DNAH3: variants seen among roughly 807,000 people sequenced by gnomAD.
DNAH3 encodes dynein axonemal heavy chain 3.
A neutral mutation model predicts 432.5 loss-of-function variants in DNAH3; 332 were observed. The ratio of observed to expected loss-of-function variants is 0.77; its 90% CI spans 0.70 to 0.84. The LOEUF is 0.84. Among genes scored for constraint, DNAH3 ranks in the 40% least tolerant of loss-of-function variants. The probability of loss-of-function intolerance (pLI) is 0.00; values close to 1 mark genes in which losing one functional copy is unlikely to be tolerated. For missense variants in DNAH3, 4,861 were observed against 5,114.0 expected, an observed-to-expected ratio of 0.95 and a Z score of 1.51; for synonymous variants, 1,956 against 1,900.2, an observed-to-expected ratio of 1.03 and a Z score of -0.76.
chr16:21,131,074 T>C (rs1207998961), intron 7 of DNAH3, among the ~76,000 whole-genome samples: 3 of 152,184 alleles, frequency 2.0e-5, no homozygotes, highest in Non-Finnish European at 4.4e-5. Context: ...CGGTGGCTCA[T>C]GCCTGTAATC....
intron 52 of DNAH3, among the ~76,000 whole-genome samples, chr16:20,966,740 C>G (rs2085081571): frequency 6.6e-6 from 1 of 152,162 alleles, no homozygotes; most frequent in Admixed American, 6.5e-5. Context: ...GAATATCCTT[C>G]CCTAGTCTGG....
rs1011741367 is a variant in DNAH3, at chr16:20,981,316, C to T, written c.7859+1405G>A. Reference sequence around the variant, plus strand: ...ACCCACTGAATTCTACCCACAAGCACGTGGACCCAGGTTAAGGGTCTTCTG... The same window carrying T: ...ACCCACTGAATTCTACCCACAAGCATGTGGACCCAGGTTAAGGGTCTTCTG... On this transcript the variant is annotated intron_variant, in intron 49 of 61. Transcript: ENST00000261383. Among the ~76,000 whole-genome samples the T allele has an allele frequency of 3.3e-5, 5 of 152,150 alleles. 1 individual carries two copies. Among genetic ancestry groups the T allele is most frequent in the East Asian group, 3.9e-4 (2 of 5,192 alleles).
intron 36 of DNAH3, among the ~76,000 whole-genome samples, chr16:21,033,384 C>T (rs1394746751): frequency 1.3e-5 from 2 of 152,198 alleles, no homozygotes; most frequent in Non-Finnish European, 2.9e-5. Flanking sequence ...AACATAGTTT[C>T]CATTTGTTGC....
chr16:21,019,994 C>CAA, intron 40 of DNAH3, 125 bp from the exon 41 acceptor site: 4 of 1,027,162 alleles, frequency 3.9e-6, no homozygotes, highest in Non-Finnish European at 5.7e-6. Flanking sequence ...GGCAGAGTGC[C>CAA]TATCACCTAC....
chr16:21,132,052 A>G (rs1390205750), intron 7 of DNAH3, among the ~76,000 whole-genome samples: 2 of 152,160 alleles, frequency 1.3e-5, no homozygotes, highest in African/African-American at 2.4e-5. Context: ...TTTTTTCTCA[A>G]TGTCCTGACT....
At chr16:21,028,528 G>A (rs961368133) in intron 37 of DNAH3, among the ~76,000 whole-genome samples, 44 of 151,700 alleles carry the variant, frequency 2.9e-4, no homozygotes, top group African/African-American at 9.2e-4. Flanking sequence ...AAAAATAGCC[G>A]GGCATGGTGG....
intron 18 of DNAH3, among the ~76,000 whole-genome samples, chr16:21,091,360 A>T (rs2091529049): frequency 6.6e-6 from 1 of 150,572 alleles, no homozygotes; most frequent in South Asian, 2.1e-4. Flanking sequence ...AAAATAAATA[A>T]GTAAAAATTG....
intron 12 of DNAH3, among the ~76,000 whole-genome samples, chr16:21,116,658 A>G (rs913427146): frequency 6.6e-6 from 1 of 152,194 alleles, no homozygotes; most frequent in Non-Finnish European, 1.5e-5. Flanking sequence ...GATGTTTTAC[A>G]GTGTGATGAT....
chr16:21,111,530 A>G, intron 14 of DNAH3, 96 bp downstream of exon 14: 1 of 1,233,250 alleles, frequency 8.1e-7, no homozygotes, highest in Non-Finnish European at 1.1e-6. Flanking sequence ...CTAGAAAATA[A>G]TCTGTTCATT....
At chr16:20,972,422 A>T (rs2085384760) in intron 51 of DNAH3, among the ~76,000 whole-genome samples, 2 of 151,934 alleles carry the variant, frequency 1.3e-5, no homozygotes, top group African/African-American at 4.8e-5. Flanking sequence ...TTTGCAGAGA[A>T]GAGTTTTCAC....
At chr16:21,001,456 T>C (rs1422542486) in intron 42 of DNAH3, among the ~76,000 whole-genome samples, 1 of 152,138 alleles carries the variant, frequency 6.6e-6, no homozygotes, top group Admixed American at 6.5e-5. Flanking sequence ...AATGGTGCCT[T>C]CTAAAGCAAA....
chr16:21,039,932 C>T (rs1053425346), exon 33 of DNAH3: 13 of 1,613,688 alleles, frequency 8.1e-6, no homozygotes, highest in Non-Finnish European at 8.5e-6. Flanking sequence ...TGGCCACTGT[C>T]CGGAACAAGG....
chr16:20,946,819 C>CTTTTTTTTTTTT (rs71149199), intron 57 of DNAH3, among the ~76,000 whole-genome samples: 2 of 70,866 alleles, frequency 2.8e-5, no homozygotes, highest in Non-Finnish European at 5.0e-5. Flanking sequence ...ATTGTGAGTC[C>CTTTTTTTTTTTT]TTTTTTTTTT....
At chr16:20,938,917 C>T (rs951077034) in intron 59 of DNAH3, among the ~76,000 whole-genome samples, 1 of 152,086 alleles carries the variant, frequency 6.6e-6, no homozygotes, top group East Asian at 1.9e-4. Context: ...GCTGGTTCTA[C>T]AATGCCCAGA....
chr16:21,128,774 G>A (rs1356180897), intron 7 of DNAH3, among the ~76,000 whole-genome samples: 2 of 150,512 alleles, frequency 1.3e-5, no homozygotes, highest in African/African-American at 2.4e-5. Context: ...CAGGAAGATC[G>A]CTTGAACCCA....
At chr16:21,136,050 T>A (rs2092638082) in intron 6 of DNAH3, among the ~76,000 whole-genome samples, 1 of 151,882 alleles carries the variant, frequency 6.6e-6, no homozygotes, top group Non-Finnish European at 1.5e-5. Context: ...GACTTTGAAT[T>A]AGCGGTTAAA....
intron 41 of DNAH3, among the ~76,000 whole-genome samples, chr16:21,010,388 T>C (rs989312800): frequency 6.6e-6 from 1 of 152,094 alleles, no homozygotes; most frequent in African/African-American, 2.4e-5. Context: ...TGAGGTAAAC[T>C]TTTCAACTGA....
At chr16:21,159,193 A>G in intron 1 of DNAH3, 1 of 910,738 alleles carries the variant, frequency 1.1e-6, no homozygotes, top group East Asian at 2.4e-5. Context: ...CCCCTTCCCC[A>G]TCGCTGCAGA....
chr16:21,125,130 C>A, intron 9 of DNAH3, 45 bp downstream of exon 10: 5 of 1,486,234 alleles, frequency 3.4e-6, no homozygotes, highest in Non-Finnish European at 4.5e-6. Flanking sequence ...ACCAAGTAAC[C>A]AGGTTATTCC....
Sources: gnomAD v4.1 joint callset for allele counts (sites outside exome capture counted in the v4.1 genomes callset) on GRCh38, gnomAD v4.1.1 for gene constraint, MANE v1.5 for transcripts, NCBI Gene and HGNC (gene_info 2026-07-23, HGNC 2026-07-21) for gene names.